EFEMP1: variants seen among roughly 807,000 people sequenced by gnomAD.
EFEMP1 encodes the protein EGF-containing fibulin-like extracellular matrix protein 1.
A neutral mutation model predicts 65.7 loss-of-function variants in EFEMP1; 18 were observed. The ratio of observed to expected loss-of-function variants is 0.27; its 90% CI spans 0.19 to 0.41. The LOEUF (loss-of-function observed/expected upper bound fraction) is 0.41. Ranked by LOEUF, EFEMP1 falls within the 10% of genes least tolerant of loss-of-function variation. The pLI is 1.00. For missense variants in EFEMP1, 469 were observed against 624.8 expected, an observed-to-expected ratio of 0.75 and a Z score of 2.66; for synonymous variants, 237 against 219.7, an observed-to-expected ratio of 1.08 and a Z score of -0.70.
intron 5 of EFEMP1, among the ~76,000 whole-genome samples, chr2:55,882,771 C>T (rs1669290713): frequency 6.6e-6 from 1 of 152,046 alleles, no homozygotes; most frequent in Non-Finnish European, 1.5e-5. Flanking sequence ...TGTATAAAAA[C>T]CAAAATACTA....
intron 5 of EFEMP1, among the ~76,000 whole-genome samples, chr2:55,900,897 C>T (rs1435552449): frequency 6.6e-6 from 1 of 152,176 alleles, no homozygotes; most frequent in Non-Finnish European, 1.5e-5. Context: ...CACTATCCTG[C>T]CTCTTATTGA....
At chr2:55,906,870 T>TTA (rs1482607812) in intron 5 of EFEMP1, among the ~76,000 whole-genome samples, 9 of 152,186 alleles carry the variant, frequency 5.9e-5, no homozygotes, top group African/African-American at 2.2e-4. Flanking sequence ...CAATATAAAA[T>TTA]AGTGGGTCAG....
Position 55,923,781 on chromosome 2 carries a change from C to A in EFEMP1, c.-119G>T. 2.0e-6 allele frequency: 2 copies of A among 986,568 alleles called. 1 individual carries two copies. 61.1% of individuals were successfully genotyped at this position (986,568 alleles called of 1,614,324 possible). ...CGCAGGGGAGGGCAGCCCCGTGGGTCTGATCTGGCGAAGTCCGGCAGCGGC... is the reference window on the plus strand; with the variant it reads ...CGCAGGGGAGGGCAGCCCCGTGGGTATGATCTGGCGAAGTCCGGCAGCGGC... On this transcript the variant is annotated 5_prime_UTR_variant, in exon 1 of 12. Coordinates refer to ENST00000355426, the MANE Select transcript of EFEMP1 (RefSeq NM_001039348.3). The surrounding 1 kb of genome is among the most constrained non-coding windows in gnomAD (Gnocchi z 5.3).
rs1376358270 is a variant in EFEMP1 at position 55,877,728 on chromosome 2, A to C, written c.760+18T>G. 4 of 1,612,740 alleles carry C rather than the reference A, an allele frequency of 2.5e-6. No individual in the cohort carries two copies. Among genetic ancestry groups the C allele is most frequent in the Non-Finnish European group, 3.4e-6 (4 of 1,178,998 alleles). ...CCTTTTGTGAAGACAGAAATCAGCA[A>C]GTTCTCAAAAGGCTTACCTACGCAG... is the stretch of plus-strand genomic sequence containing the variant. On this transcript the variant is annotated intron_variant, in intron 7 of 11. Transcript: ENST00000355426. This position sits in a 1 kb window ranked among gnomAD's most constrained non-coding sequence, Gnocchi z 4.5.
chr2:55,879,531 T>C (rs78820055), intron 6 of EFEMP1, among the ~76,000 whole-genome samples: 1 of 152,352 alleles, frequency 6.6e-6, no homozygotes, highest in East Asian at 1.9e-4. Flanking sequence ...CTAATAAACA[T>C]TCATTGAACC....
At position 55,867,921 on chromosome 2, in the gene EFEMP1, TA is replaced by T. The variant is rs1339720501; in HGVS notation, c.1321-688del. Among the ~76,000 whole-genome samples the T allele has an allele frequency of 3.3e-5, 5 of 152,012 alleles. No homozygotes were observed. Among genetic ancestry groups the T allele is most frequent in the African/African-American group, 1.2e-4 (5 of 41,374 alleles). Reference sequence around the variant, plus strand: ...AGGGAGATGAGGTTGGAGAGGCAGGTAAGTGGATGTGTGAGTTTGAATGCCA... The same window carrying T: ...AGGGAGATGAGGTTGGAGAGGCAGGTAGTGGATGTGTGAGTTTGAATGCCA... On this transcript the variant is annotated intron_variant, in intron 11 of 11. Coordinates refer to ENST00000355426, the MANE Select transcript of EFEMP1 (RefSeq NM_001039348.3). This position sits in a 1 kb window ranked among gnomAD's most constrained non-coding sequence, Gnocchi z 4.3.
chr2:55,876,528 A>T, intron 8 of EFEMP1, 95 bp downstream of exon 8: 1 of 1,532,714 alleles, frequency 6.5e-7, no homozygotes, highest in Non-Finnish European at 8.9e-7. Flanking sequence ...TCCCATGGGT[A>T]AGCGTTTGTT....
rs1053665532 is a variant in EFEMP1, at chr2:55,885,408, A to C, written c.518-3674T>G. 2.0e-5 allele frequency among the ~76,000 whole-genome samples: 3 copies of C among 152,220 alleles called. No individual in the cohort carries two copies. The highest frequency in any genetic ancestry group is 4.4e-5 in the Non-Finnish European group (3 of 68,038). On this transcript the variant is annotated intron_variant, in intron 5 of 11. Transcript: ENST00000355426. This position sits in a 1 kb window ranked among gnomAD's most constrained non-coding sequence, Gnocchi z 4.3. ...TGTCGTGAACAAAATTCAAGGCCTT[A>C]AAGGCAGGATTAGAGAGTCTGGATT...
chr2:55,879,406 G>A (rs72807773), intron 6 of EFEMP1, among the ~76,000 whole-genome samples: 4,381 of 152,222 alleles, frequency 0.029, 122 homozygotes, highest in South Asian at 0.14. Context: ...ATAGCTCCAC[G>A]AGGGCTATGA....
At position 55,870,163 on chromosome 2, in the gene EFEMP1, GTGGGGTCAC is replaced by G. The variant is rs1434105537; in HGVS notation, c.1320+548_1320+556del. Among the ~76,000 whole-genome samples, 3 of 152,202 alleles carry G rather than the reference GTGGGGTCAC, an allele frequency of 2.0e-5. No individual in the cohort carries two copies. The South Asian group carries it at 6.2e-4, about 32-fold the overall frequency. ...CTACTGACACATACTGTGCGGGGAG[GTGGGGTCAC>G]TTCTCACATACTTATAGGTTTTAGT... On this transcript the variant is annotated intron_variant, in intron 11 of 11. Transcript: ENST00000355426. The surrounding 1 kb of genome is among the most constrained non-coding windows in gnomAD (Gnocchi z 5.8).
At position 55,885,736 on chromosome 2, in the gene EFEMP1, C is replaced by T. The variant is rs554681223; in HGVS notation, c.518-4002G>A. ...CTTCTAGCCTCTTTATCACACCGAC[C>T]CCCACGTCTAGGGAACCGCACATTT... On this transcript the variant is annotated intron_variant, in intron 5 of 11. Transcript: ENST00000355426. The surrounding 1 kb of genome is among the most constrained non-coding windows in gnomAD (Gnocchi z 4.3). 1.3e-5 allele frequency among the ~76,000 whole-genome samples: 2 copies of T among 152,162 alleles called. No homozygotes were observed. Among genetic ancestry groups the T allele is most frequent in the South Asian group, 4.2e-4 (2 of 4,804 alleles).
chr2:55,897,065 G>C (rs140283802), intron 5 of EFEMP1, among the ~76,000 whole-genome samples: 26 of 152,286 alleles, frequency 1.7e-4, no homozygotes, highest in African/African-American at 5.5e-4. Flanking sequence ...AACTTGCCAA[G>C]ACGGAGGCCT....
chr2:55,919,979 C>T lies in EFEMP1; in HGVS notation c.82-1712G>A, dbSNP rs1670858089. Among the ~76,000 whole-genome samples, 1 of 152,210 alleles carries T rather than the reference C, an allele frequency of 6.6e-6. No individual in the cohort carries two copies. Among genetic ancestry groups the T allele is most frequent in the South Asian group, 2.1e-4 (1 of 4,830 alleles). On this transcript the variant is annotated intron_variant, in intron 3 of 11. Transcript: ENST00000355426. This position sits in a 1 kb window ranked among gnomAD's most constrained non-coding sequence, Gnocchi z 4.5. Reference sequence around the variant, plus strand: ...CGCATCTCTACATGCTGCATACAGACCCCATGATCTTTCTTGTGCTCTTGG... The same window carrying T: ...CGCATCTCTACATGCTGCATACAGATCCCATGATCTTTCTTGTGCTCTTGG...
Position 55,922,912 on chromosome 2 carries a change from A to T in EFEMP1, c.-21T>A. The T allele has an allele frequency of 9.1e-7, 1 of 1,097,792 alleles. No individual in the cohort carries two copies. Among genetic ancestry groups the T allele is most frequent in the Non-Finnish European group, 1.1e-6 (1 of 896,210 alleles). 68.0% of individuals were successfully genotyped at this position (1,097,792 alleles called of 1,614,324 possible). A position where few individuals can be genotyped will look rare whatever the true frequency, so the allele number is the denominator to read the frequency against. ...CAGTATACTCACCTTGAGCTAGCAGAGTTCCTTGCACAGCACAGCAAAAAT... is the reference window on the plus strand; with the variant it reads ...CAGTATACTCACCTTGAGCTAGCAGTGTTCCTTGCACAGCACAGCAAAAAT... On this transcript the variant is annotated 5_prime_UTR_variant, in exon 2 of 12. Transcript: ENST00000355426. The surrounding 1 kb of genome is among the most constrained non-coding windows in gnomAD (Gnocchi z 5.5).
At chr2:55,887,910 G>A (rs1002403340) in intron 5 of EFEMP1, among the ~76,000 whole-genome samples, 6 of 152,076 alleles carry the variant, frequency 3.9e-5, no homozygotes, top group Non-Finnish European at 8.8e-5. Context: ...ATGCTACTTC[G>A]AATTGCTTTT....
intron 5 of EFEMP1, among the ~76,000 whole-genome samples, chr2:55,908,389 CA>C (rs2104438205): frequency 6.6e-6 from 1 of 152,150 alleles, no homozygotes; most frequent in East Asian, 1.9e-4. Flanking sequence ...CTGAAAAAGT[CA>C]AACTCATAGA....
chr2:55,914,062 G>A lies in EFEMP1; in HGVS notation c.517+3603C>T, dbSNP rs1376234591. ...ATAAAGGTGTAGAAAACTAAAGTGAGCCATCAACAGATTATAATATATTCC... is the reference window on the plus strand; with the variant it reads ...ATAAAGGTGTAGAAAACTAAAGTGAACCATCAACAGATTATAATATATTCC... On this transcript the variant is annotated intron_variant, in intron 5 of 11. Transcript: ENST00000355426. Among the ~76,000 whole-genome samples, 3 of 152,162 alleles carry A rather than the reference G, an allele frequency of 2.0e-5. No individual in the cohort carries two copies. The East Asian group carries it at 5.8e-4, about 29-fold the overall frequency.
chr2:55,895,710 T>G lies in EFEMP1; in HGVS notation c.518-13976A>C, dbSNP rs559876398. On this transcript the variant is annotated intron_variant, in intron 5 of 11. Transcript: ENST00000355426. ...GCGCCCGCCACCTCGCCCGGCTAAT[T>G]TTTTGTATTTTTAGTAGAGACGGGG... 5.3e-5 allele frequency among the ~76,000 whole-genome samples: 8 copies of G among 151,690 alleles called. No homozygotes were observed. The East Asian group carries it at 1.6e-3, about 30-fold the overall frequency.
In EFEMP1 at chr2:55,867,125, C is replaced by T. The variant is rs201035117; in HGVS notation, c.1430G>A (p.Arg477His). 3.7e-6 allele frequency: 6 copies of T among 1,613,640 alleles called. No homozygotes were observed. Among genetic ancestry groups the T allele is most frequent in the Admixed American group, 1.7e-5 (1 of 60,004 alleles). The change falls in exon 12 of 12, where the codon CGC becomes CAC. Residue 477 changes from arginine (R) to histidine (H), a missense_variant. By Grantham distance (29) the Arg-to-His change is conservative. Transcript: ENST00000355426. The surrounding 1 kb of genome is among the most constrained non-coding windows in gnomAD (Gnocchi z 4.3). ...TGTCAATCTTAACACAGAGCTTGTG[C>T]GGAAGGTCCCTATACTGCTGACTGT... The part of the protein sequence containing the change: ...MLTVSSIGTF[R>H]TSSVLRLTII...
Sources: gnomAD v4.1 joint callset for allele counts (sites outside exome capture counted in the v4.1 genomes callset) on GRCh38, gnomAD v4.1.1 for gene constraint, Gnocchi (gnomAD v3.1) non-coding constraint, MANE v1.5 for transcripts, NCBI Gene and HGNC (gene_info 2026-07-23, HGNC 2026-07-21) for gene names.